The following WDR27 variants were observed in gnomAD, a reference collection of about 807,000 sequenced individuals.
WDR27 encodes WD repeat-containing protein 27.
In WDR27, 100 loss-of-function variants were observed where a neutral mutation model predicts 114.4. That is an observed-to-expected ratio of 0.87 (90% confidence interval 0.74 to 1.03). The LOEUF is 1.03. Ranked by LOEUF, WDR27 falls within the 50% of genes least tolerant of loss-of-function variation. WDR27 has a pLI of 0.00. For missense variants in WDR27, 1,129 were observed against 1,092.9 expected (o/e 1.03, Z -0.47); for synonymous variants, 449 against 423.1 (o/e 1.06, Z -0.75).
At chr6:169,602,455 G>T in intron 22 of WDR27, 134 bp from the exon 23 acceptor site, 1 of 596,920 alleles carries the variant, frequency 1.7e-6, no homozygotes, top group Non-Finnish European at 3.0e-6. Context: ...TTATATGTGA[G>T]AATTATTAAA....
rs574099337 is a variant in WDR27, at chr6:169,676,638, G to A, written c.190-4242C>T. Among the ~76,000 whole-genome samples the A allele has an allele frequency of 7.2e-5, 11 of 152,198 alleles. No individual in the cohort carries two copies. In the East Asian group the frequency reaches 2.1e-3, roughly 29 times the overall value. On this transcript the variant is annotated intron_variant, in intron 2 of 25. Transcript: ENST00000448612. ...AGCCTGCCACCTGGAGGCTTCTTAT[G>A]TATATTGGGGACCTTGGTCTCCACG...
intron 21 of WDR27, among the ~76,000 whole-genome samples, chr6:169,623,367 A>G (rs1813821556): frequency 6.6e-6 from 1 of 152,200 alleles, no homozygotes. Context: ...GAGTCATAAT[A>G]AAACTCCAGT....
intron 1 of WDR27, among the ~76,000 whole-genome samples, chr6:169,693,359 C>T (rs1263836679): frequency 1.3e-5 from 2 of 152,138 alleles, no homozygotes; most frequent in Non-Finnish European, 2.9e-5. Flanking sequence ...GAAACAAAAC[C>T]TTGAAATACA....
At chr6:169,689,287 C>A (rs1783848440) in intron 1 of WDR27, 2 of 273,548 alleles carry the variant, frequency 7.3e-6, no homozygotes, top group South Asian at 1.4e-4. Context: ...CCTGCTTAGG[C>A]TTCCTCGATC....
intron 25 of WDR27, among the ~76,000 whole-genome samples, chr6:169,503,011 G>A (rs546114971): frequency 2.5e-4 from 38 of 152,312 alleles, no homozygotes; most frequent in Non-Finnish European, 5.4e-4. Context: ...AATAGAGGAA[G>A]ATGAGGTGAC....
Position 169,672,242 on chromosome 6 carries a change from G to C in WDR27, c.331+13C>G. The C allele has an allele frequency of 6.2e-7, 1 of 1,610,874 alleles. No homozygotes were observed. The highest frequency in any genetic ancestry group is 8.5e-7 in the Non-Finnish European group (1 of 1,178,600). On this transcript the variant is annotated intron_variant, in intron 3 of 25. Coordinates refer to ENST00000448612, the MANE Select transcript of WDR27 (RefSeq NM_182552.5). ...TGCAGGTTTTTAAAAACATGTTTTAGATTTTCATTTACCTTGAAGTACTTT... is the reference window on the plus strand; with the variant it reads ...TGCAGGTTTTTAAAAACATGTTTTACATTTTCATTTACCTTGAAGTACTTT...
intron 2 of WDR27, 120 bp from the exon 3 acceptor site, chr6:169,672,516 TATTC>T (rs1352309928): frequency 7.7e-6 from 8 of 1,040,616 alleles, no homozygotes; most frequent in Non-Finnish European, 1.1e-5. Flanking sequence ...TTATCTTACA[TATTC>T]ATTGTTAATT....
chr6:169,544,534 G>T (rs1477412683), intron 25 of WDR27, among the ~76,000 whole-genome samples: 2 of 151,852 alleles, frequency 1.3e-5, no homozygotes, highest in African/African-American at 4.8e-5. Flanking sequence ...CACCTCCCAG[G>T]TTCAAGCAAT....
chr6:169,530,892 C>T (rs935333251), intron 25 of WDR27, among the ~76,000 whole-genome samples: 3 of 152,218 alleles, frequency 2.0e-5, no homozygotes, highest in Non-Finnish European at 4.4e-5. Context: ...CATGCATGCA[C>T]GTCTCATGTC....
intron 6 of WDR27, 40 bp downstream of exon 6, chr6:169,667,096 C>T (rs775268183): frequency 6.8e-7 from 1 of 1,475,556 alleles, no homozygotes. Flanking sequence ...GTGGGTTACA[C>T]ACAACCTATT....
chr6:169,646,278 G>T (rs2128236025), intron 16 of WDR27, among the ~76,000 whole-genome samples: 1 of 152,278 alleles, frequency 6.6e-6, no homozygotes, highest in South Asian at 2.1e-4. Context: ...AGAGAGTGAG[G>T]CTGCTGTTCA....
intron 25 of WDR27, among the ~76,000 whole-genome samples, chr6:169,458,271 G>A (rs570034799): frequency 6.6e-6 from 1 of 152,222 alleles, no homozygotes; most frequent in East Asian, 1.9e-4. Context: ...TGGGCAGAAA[G>A]CACCCATCCT....
chr6:169,611,685 A>G (rs1379741433), intron 22 of WDR27, among the ~76,000 whole-genome samples: 1 of 152,138 alleles, frequency 6.6e-6, no homozygotes. Flanking sequence ...CTTACTTTTA[A>G]AACATTTTTG....
intron 25 of WDR27, among the ~76,000 whole-genome samples, chr6:169,560,886 C>A (rs1211699734): frequency 6.6e-6 from 1 of 152,028 alleles, no homozygotes; most frequent in African/African-American, 2.4e-5. Flanking sequence ...TAATCCAACA[C>A]CTAATTTTAG....
intron 22 of WDR27, among the ~76,000 whole-genome samples, chr6:169,608,039 A>G (rs1440238770): frequency 1.3e-5 from 2 of 151,680 alleles, no homozygotes; most frequent in East Asian, 3.9e-4. Flanking sequence ...CATGTATAGC[A>G]TGCAACTGTA....
chr6:169,654,839 C>A (rs1466357706), intron 13 of WDR27, among the ~76,000 whole-genome samples: 1 of 151,914 alleles, frequency 6.6e-6, no homozygotes. Flanking sequence ...GGAGGCGGCT[C>A]GCTCAGGAGG....
At chr6:169,700,401 C>G (rs773436314) in intron 1 of WDR27, among the ~76,000 whole-genome samples, 3 of 152,222 alleles carry the variant, frequency 2.0e-5, no homozygotes, top group Admixed American at 6.5e-5. Context: ...AAGTGCTGTT[C>G]CTTTTCCACT....
At chr6:169,685,837 T>C (rs1489775185) in intron 2 of WDR27, among the ~76,000 whole-genome samples, 1 of 152,106 alleles carries the variant, frequency 6.6e-6, no homozygotes, top group East Asian at 1.9e-4. Context: ...GAGATGGAAA[T>C]CCAGGTTCAG....
intron 2 of WDR27, among the ~76,000 whole-genome samples, chr6:169,677,114 A>G (rs910279216): frequency 2.6e-4 from 40 of 152,342 alleles, no homozygotes; most frequent in African/African-American, 9.4e-4. Context: ...TAACCAGCAG[A>G]AGTTGGAAGA....
Sources: allele counts gnomAD v4.1 joint callset (sites outside exome capture counted in the v4.1 genomes callset), GRCh38; gene constraint gnomAD v4.1.1; transcripts MANE v1.5; gene names NCBI Gene and HGNC (gene_info 2026-07-23, HGNC 2026-07-21).